The following IGF2BP3 variants were observed in gnomAD, a reference collection of about 807,000 sequenced individuals.
IGF2BP3 encodes the protein insulin-like growth factor 2 mRNA-binding protein 3.
In IGF2BP3, 9 loss-of-function variants were observed where a neutral mutation model predicts 73.8. That is an observed-to-expected ratio of 0.12 (90% CI 0.07 to 0.21). The LOEUF is 0.21. Ranked by LOEUF, IGF2BP3 falls within the 10% of genes least tolerant of loss-of-function variation. The probability of loss-of-function intolerance (pLI) is 1.00; values close to 1 mark genes in which losing one functional copy is unlikely to be tolerated. For synonymous variants in IGF2BP3, 258 were observed against 256.7 expected (o/e 1.01, Z -0.05); for missense variants, 542 against 714.0 (o/e 0.76, Z 2.75).
intron 3 of IGF2BP3, among the ~76,000 whole-genome samples, chr7:23,397,024 A>T (rs977920744): frequency 6.6e-6 from 1 of 152,146 alleles, no homozygotes; most frequent in African/African-American, 2.4e-5. Flanking sequence ...GCTGCCCTCA[A>T]AGTCCCTACC....
At chr7:23,335,073 T>TAAAAAAAAA (rs5882898) in intron 10 of IGF2BP3, among the ~76,000 whole-genome samples, 31 of 69,172 alleles carry the variant, frequency 4.5e-4, no homozygotes, top group Non-Finnish European at 5.8e-4. Context: ...TCTTTAACAT[T>TAAAAAAAAA]AAAAAAAAAA....
intron 2 of IGF2BP3, among the ~76,000 whole-genome samples, chr7:23,459,999 T>G (rs1439652391): frequency 6.6e-6 from 1 of 150,628 alleles, no homozygotes; most frequent in Non-Finnish European, 1.5e-5. Context: ...GAGGCCAAAG[T>G]GGGAGGACCG....
In IGF2BP3 at chr7:23,342,179, T is replaced by A; in HGVS notation, c.1088A>T (p.His363Leu). 1.2e-6 allele frequency: 2 copies of A among 1,613,884 alleles called. No homozygotes were observed. The highest frequency in any genetic ancestry group is 1.7e-6 in the Non-Finnish European group (2 of 1,179,852). The change falls in exon 10 of 15, where the codon CAT (histidine) becomes CTT (leucine). Residue 363 changes from histidine to leucine, a missense_variant. By Grantham distance (99) the His-to-Leu change is moderately conservative (BLOSUM62 -3). Coordinates refer to ENST00000258729, the MANE Select transcript of IGF2BP3 (RefSeq NM_006547.3). ...NDIASMNLQA[H>L]LIPGLNLNAL... ...GTTCAGATTTAATCCAGGAATTAAA[T>A]GTGCTTGAAGCTGCAACAGTAAAAA...
intron 3 of IGF2BP3, among the ~76,000 whole-genome samples, chr7:23,364,413 T>C (rs1318871605): frequency 6.6e-6 from 1 of 150,704 alleles, no homozygotes; most frequent in Non-Finnish European, 1.5e-5. Context: ...CTGGGAGTGG[T>C]GGCGGGTGCC....
At chr7:23,429,869 C>T (rs1423062865) in intron 2 of IGF2BP3, among the ~76,000 whole-genome samples, 7 of 152,196 alleles carry the variant, frequency 4.6e-5, no homozygotes, top group Non-Finnish European at 8.8e-5. Flanking sequence ...TGCAACCTTT[C>T]ATCCAAATTA....
chr7:23,318,876 G>A (rs563485848), intron 11 of IGF2BP3, among the ~76,000 whole-genome samples: 40 of 152,314 alleles, frequency 2.6e-4, no homozygotes, highest in African/African-American at 9.6e-4. Flanking sequence ...CCTGGGGAAG[G>A]TGGCTTGGAA....
At chr7:23,372,221 C>T (rs752090550) in intron 3 of IGF2BP3, among the ~76,000 whole-genome samples, 18 of 152,010 alleles carry the variant, frequency 1.2e-4, no homozygotes, top group African/African-American at 4.8e-5. Flanking sequence ...ACTACAGGCA[C>T]GTGCCTCCAC....
intron 2 of IGF2BP3, among the ~76,000 whole-genome samples, chr7:23,446,019 C>T (rs1024223825): frequency 6.6e-6 from 1 of 152,164 alleles, no homozygotes; most frequent in African/African-American, 2.4e-5. Context: ...GCAAAGATTT[C>T]ATCTTTGAAA....
chr7:23,456,750 T>C (rs1788329026), intron 2 of IGF2BP3, among the ~76,000 whole-genome samples: 1 of 152,158 alleles, frequency 6.6e-6, no homozygotes, highest in Non-Finnish European at 1.5e-5. Flanking sequence ...TATGTCAACA[T>C]AAGAAATTTA....
chr7:23,363,420 G>T (rs1402052397), intron 3 of IGF2BP3, among the ~76,000 whole-genome samples: 5 of 150,988 alleles, frequency 3.3e-5, no homozygotes, highest in Non-Finnish European at 7.4e-5. Context: ...TAATTTTTAA[G>T]TTTTTCGTAG....
intron 3 of IGF2BP3, among the ~76,000 whole-genome samples, chr7:23,417,107 A>G (rs1486265118): frequency 1.3e-5 from 2 of 152,176 alleles, no homozygotes; most frequent in African/African-American, 4.8e-5. Context: ...CCCTTCTCAA[A>G]AAGGAAATAG....
At chr7:23,348,687 T>C (rs1360295146) in intron 6 of IGF2BP3, among the ~76,000 whole-genome samples, 1 of 152,102 alleles carries the variant, frequency 6.6e-6, no homozygotes, top group African/African-American at 2.4e-5. Context: ...TACTAGATGC[T>C]AGTAGCATGC....
intron 2 of IGF2BP3, among the ~76,000 whole-genome samples, chr7:23,444,346 T>C (rs748232510): frequency 2.0e-5 from 3 of 152,170 alleles, no homozygotes; most frequent in Non-Finnish European, 4.4e-5. Context: ...TACATATGGG[T>C]GAATATACTT....
At chr7:23,363,900 G>A (rs955299159) in intron 3 of IGF2BP3, among the ~76,000 whole-genome samples, 7 of 152,150 alleles carry the variant, frequency 4.6e-5, no homozygotes, top group Non-Finnish European at 8.8e-5. Flanking sequence ...AACCTCTCAC[G>A]TTGCCATTCA....
intron 3 of IGF2BP3, among the ~76,000 whole-genome samples, chr7:23,404,186 T>G (rs74853088): frequency 0.028 from 4,181 of 151,054 alleles, 187 homozygotes; most frequent in African/African-American, 0.095. Flanking sequence ...CTGCTCATAA[T>G]CGACACAACC....
chr7:23,467,316 G>C (rs541295265), intron 2 of IGF2BP3, among the ~76,000 whole-genome samples: 1 of 152,312 alleles, frequency 6.6e-6, no homozygotes, highest in Non-Finnish European at 1.5e-5. Context: ...CACAGCACCA[G>C]AGAAATGCAT....
intron 11 of IGF2BP3, among the ~76,000 whole-genome samples, chr7:23,318,762 A>G (rs1784058087): frequency 6.6e-6 from 1 of 152,180 alleles, no homozygotes. Flanking sequence ...TCCCTAGAAG[A>G]AAAGCTCTTT....
At position 23,319,121 on chromosome 7, in the gene IGF2BP3, AG is replaced by A; in HGVS notation, c.1320+16del. On this transcript the variant is annotated intron_variant, in intron 11 of 14. Transcript: ENST00000258729. Reference sequence around the variant, plus strand: ...CTTACTTAAAGAACCAGAGAACCACAGCTGGTAGAACAGTACCTTAATTGAA... The same window carrying A: ...CTTACTTAAAGAACCAGAGAACCACACTGGTAGAACAGTACCTTAATTGAA... 6.7e-7 allele frequency: 1 copy of A among 1,486,608 alleles called. No homozygotes were observed. The highest frequency in any genetic ancestry group is 9.3e-7 in the Non-Finnish European group (1 of 1,077,182). 92.1% of individuals were successfully genotyped at this position (1,486,608 alleles called of 1,614,324 possible).
At chr7:23,390,220 T>G (rs1390022601) in intron 3 of IGF2BP3, among the ~76,000 whole-genome samples, 1 of 152,224 alleles carries the variant, frequency 6.6e-6, no homozygotes, top group East Asian at 1.9e-4. Flanking sequence ...CACTCTGATC[T>G]AATTCAATTT....
Sources: allele counts gnomAD v4.1 joint callset (sites outside exome capture counted in the v4.1 genomes callset), GRCh38; gene constraint gnomAD v4.1.1; transcripts MANE v1.5; gene names NCBI Gene and HGNC (gene_info 2026-07-23, HGNC 2026-07-21).